The following CHD2 variants were observed in gnomAD, a reference collection of about 807,000 sequenced individuals.
CHD2 encodes ATP-dependent chromatin remodeler CHD2.
Under a neutral mutation model 243.9 loss-of-function variants are expected in CHD2, and 28 were observed. The observed-to-expected ratio is 0.11, with a 90% confidence interval of 0.09 to 0.16. The LOEUF is 0.16. Among genes scored for constraint, CHD2 ranks in the 10% least tolerant of loss-of-function variants. The pLI, the probability that CHD2 is intolerant of heterozygous loss-of-function variation, is 1.00. For missense variants in CHD2, 1,386 were observed against 2,209.8 expected, an observed-to-expected ratio of 0.63 and a Z score of 7.47; for synonymous variants, 775 against 779.0, an observed-to-expected ratio of 0.99 and a Z score of 0.09.
At position 93,000,645 on chromosome 15, in the gene CHD2, GA is replaced by G. The variant is rs2054242795; in HGVS notation, c.4137+7del. 4 of 1,608,334 alleles carry G rather than the reference GA, an allele frequency of 2.5e-6. No individual in the cohort carries two copies. Among genetic ancestry groups the G allele is most frequent in the Non-Finnish European group, 3.4e-6 (4 of 1,177,714 alleles). ...TCAGAAGAGGGAGAAGTGAAAGTAT[GA>G]AGTGGGGTTTCGGTTGAGGGTTATT... is the stretch of plus-strand genomic sequence containing the variant. On this transcript the variant is annotated splice_donor_region_variant and intron_variant, in intron 32 of 38. Coordinates refer to ENST00000394196, the MANE Select transcript of CHD2 (RefSeq NM_001271.4).
At chr15:92,959,256 T>C (rs2053655048) in intron 16 of CHD2, among the ~76,000 whole-genome samples, 1 of 152,236 alleles carries the variant, frequency 6.6e-6, no homozygotes. Flanking sequence ...TAGTGTGAAG[T>C]GTGAGTGCCT....
chr15:93,003,996 C>T (rs1314952363), intron 33 of CHD2, among the ~76,000 whole-genome samples: 2 of 151,868 alleles, frequency 1.3e-5, no homozygotes, highest in East Asian at 1.9e-4. Flanking sequence ...TGGTGGCGTG[C>T]GCCTGTAATC....
At chr15:92,988,866 C>T (rs1040743905) in intron 26 of CHD2, among the ~76,000 whole-genome samples, 4 of 151,542 alleles carry the variant, frequency 2.6e-5, no homozygotes, top group African/African-American at 4.9e-5. Context: ...ATATCATTTT[C>T]GACCTTTCTT....
At position 93,025,852 on chromosome 15, in the gene CHD2, A is replaced by C. The variant is rs1334074254; in HGVS notation, c.*1147A>C. The C allele has an allele frequency of 6.6e-6, 1 of 152,182 alleles. No individual in the cohort carries two copies. The highest frequency in any genetic ancestry group is 1.5e-5 in the Non-Finnish European group (1 of 68,026). 9.4% of individuals were successfully genotyped at this position (152,182 alleles called of 1,614,324 possible). On this transcript the variant is annotated 3_prime_UTR_variant, in exon 39 of 39. Transcript: ENST00000394196. The stretch of plus-strand genomic sequence containing the variant: ...GAAGAAATAGAGTAGACAGAATCAC[A>C]CATCATGTGGTGGGCAGATGGAAAT...
chr15:92,928,777 A>AT (rs2053112873), intron 4 of CHD2, among the ~76,000 whole-genome samples: 1 of 152,228 alleles, frequency 6.6e-6, no homozygotes, highest in Admixed American at 6.5e-5. Context: ...GTTATTGGAT[A>AT]TTGCTGTTCT....
At chr15:93,005,600 T>C (rs1482350401) in intron 34 of CHD2, among the ~76,000 whole-genome samples, 1 of 152,216 alleles carries the variant, frequency 6.6e-6, no homozygotes, top group African/African-American at 2.4e-5. Flanking sequence ...AGGACCCTGT[T>C]GACCCTGTCC....
Position 92,934,211 on chromosome 15 carries a change from A to G in CHD2, c.444-3307A>G, listed in dbSNP as rs962425136. ...TTGTTCATTTCCTACTTTACAGTTGATTAGATTTGATTTGTCTGTCTTAGG... is the reference window on the plus strand; with the variant it reads ...TTGTTCATTTCCTACTTTACAGTTGGTTAGATTTGATTTGTCTGTCTTAGG... On this transcript the variant is annotated intron_variant, in intron 5 of 38. Transcript: ENST00000394196. 2.5e-4 allele frequency among the ~76,000 whole-genome samples: 38 copies of G among 152,302 alleles called. 1 individual carries two copies. Among genetic ancestry groups the G allele is most frequent in the Admixed American group, 2.5e-3 (38 of 15,300 alleles).
rs759731184 is a variant in CHD2 at position 92,901,215 on chromosome 15, C to T, written c.-23C>T. The T allele has an allele frequency of 8.8e-6, 13 of 1,472,952 alleles. No individual in the cohort carries two copies. In the South Asian group the frequency reaches 1.5e-4, roughly 17 times the overall value. The allele number at this position is 1,472,952 out of a possible 1,614,324, so 91.2% of individuals were successfully genotyped here. A position where few individuals can be genotyped will look rare whatever the true frequency, so the allele number is the denominator to read the frequency against. On this transcript the variant is annotated 5_prime_UTR_variant, in exon 2 of 39. Coordinates refer to ENST00000394196, the MANE Select transcript of CHD2 (RefSeq NM_001271.4). ...AAAGCAAACACAGATTCCCCCTCCCCCTTAATATTTAAGAATTAAAAGATG... is the reference window on the plus strand; with the variant it reads ...AAAGCAAACACAGATTCCCCCTCCCTCTTAATATTTAAGAATTAAAAGATG...
chr15:92,954,888 A>G (rs531129663), intron 14 of CHD2, among the ~76,000 whole-genome samples: 1 of 152,308 alleles, frequency 6.6e-6, no homozygotes, highest in East Asian at 1.9e-4. Context: ...TTCAGTATGA[A>G]TGTACTCATC....
chr15:92,956,243 C>T (rs2053616646), intron 15 of CHD2, among the ~76,000 whole-genome samples: 1 of 152,082 alleles, frequency 6.6e-6, no homozygotes, highest in South Asian at 2.1e-4. Context: ...AAGAGGCCCA[C>T]CTATACCTTT....
At chr15:92,905,968 C>A (rs1390147305) in intron 2 of CHD2, among the ~76,000 whole-genome samples, 1 of 152,106 alleles carries the variant, frequency 6.6e-6, no homozygotes, top group Admixed American at 6.5e-5. Context: ...CCTTTCAATT[C>A]CTAAAACTGG....
At chr15:93,017,859 C>A (rs1162145150) in intron 37 of CHD2, among the ~76,000 whole-genome samples, 1 of 152,170 alleles carries the variant, frequency 6.6e-6, no homozygotes, top group Non-Finnish European at 1.5e-5. Context: ...GATGTAGTTG[C>A]ATCAGTTATA....
intron 2 of CHD2, chr15:92,902,572 C>A (rs2052544490): frequency 6.2e-6 from 1 of 161,878 alleles, no homozygotes; most frequent in South Asian, 2.0e-4. Context: ...TTGAGCCTTG[C>A]TTTAGAAAAT....
chr15:93,025,554 G>A lies in CHD2; in HGVS notation c.*849G>A, dbSNP rs754696749. On this transcript the variant is annotated 3_prime_UTR_variant, in exon 39 of 39. Transcript: ENST00000394196. ...GGGGAGTAGGCTGAGTGAGGGGTAGGGTGGGGTAGGTGGGGAGTAGTGTGG... is the reference window on the plus strand; with the variant it reads ...GGGGAGTAGGCTGAGTGAGGGGTAGAGTGGGGTAGGTGGGGAGTAGTGTGG... 1.3e-5 allele frequency: 2 copies of A among 152,714 alleles called. No homozygotes were observed. Among genetic ancestry groups the A allele is most frequent in the African/African-American group, 2.4e-5 (1 of 41,448 alleles). The allele number at this position is 152,714 out of a possible 1,614,324, so 9.5% of individuals were successfully genotyped here.
rs147663271 is a variant in CHD2 at position 92,923,494 on chromosome 15, A to G, written c.63-827A>G. On this transcript the variant is annotated intron_variant, in intron 2 of 38. Transcript: ENST00000394196. ...AGGCTGGTCTTGAACTCCTGGGCTC[A>G]AGCAATCTTCCTGCCTAGGCTTCCC... Among the ~76,000 whole-genome samples, 866 of 151,868 alleles carry G rather than the reference A, an allele frequency of 5.7e-3. 9 individuals are homozygous for G. Among genetic ancestry groups the G allele is most frequent in the African/African-American group, 0.02 (832 of 41,390 alleles).
chr15:92,946,064 A>T lies in CHD2; in HGVS notation c.1225A>T (p.Asn409Tyr), dbSNP rs531251618. ...TCATAGTCGGAAGCCGGCACCCTCA[A>T]ATGAGCCCGAATATCTATGTAAATG... is the stretch of plus-strand genomic sequence containing the variant. Reference protein sequence around the residue: ...PAHSRKPAPSNEPEYLCKWMG... With the variant: ...PAHSRKPAPSYEPEYLCKWMG... Residue 409 changes from asparagine to tyrosine, a missense_variant, in exon 12 of 39, where the codon AAT becomes TAT. Physicochemically the swap from Asn to Tyr is moderately radical, Grantham distance 143 (BLOSUM62 -2). Coordinates refer to ENST00000394196, the MANE Select transcript of CHD2 (RefSeq NM_001271.4). The T allele has an allele frequency of 6.3e-7, 1 of 1,597,130 alleles. No homozygotes were observed.
intron 2 of CHD2, 67 bp from the exon 3 acceptor site, chr15:92,924,254 T>A: frequency 2.8e-6 from 4 of 1,419,782 alleles, no homozygotes; most frequent in Non-Finnish European, 3.9e-6. Flanking sequence ...CCATGAGAAT[T>A]TTTTTTTAAG....
In CHD2 at chr15:92,978,302, C is replaced by T. The variant is rs1234527966; in HGVS notation, c.2646C>T (p.Val882=). 5.0e-6 allele frequency: 8 copies of T among 1,614,086 alleles called. No homozygotes were observed. Among genetic ancestry groups the T allele is most frequent in the Admixed American group, 1.7e-5 (1 of 60,020 alleles). Residue 882 remains valine, a synonymous_variant, in exon 21 of 39, where the codon GTC becomes GTT. Coordinates refer to ENST00000394196, the MANE Select transcript of CHD2 (RefSeq NM_001271.4). The part of the protein sequence containing the change: ...LGINLASADT[V]VIFDSDWNPQ... ...TCAATTTGGCTTCAGCGGACACAGTCGTCATCTTTGACTCTGACTGGAACC... is the reference window on the plus strand; with the variant it reads ...TCAATTTGGCTTCAGCGGACACAGTTGTCATCTTTGACTCTGACTGGAACC...
intron 16 of CHD2, among the ~76,000 whole-genome samples, chr15:92,963,430 G>T (rs1304897054): frequency 6.6e-6 from 1 of 152,108 alleles, no homozygotes; most frequent in African/African-American, 2.4e-5. Context: ...ACTTTGCCCC[G>T]CTGTAGCTCC....
Sources: allele counts gnomAD v4.1 joint callset (sites outside exome capture counted in the v4.1 genomes callset), GRCh38; gene constraint gnomAD v4.1.1; transcripts MANE v1.5; gene names NCBI Gene and HGNC (gene_info 2026-07-23, HGNC 2026-07-21).